RANBP2: variants seen among roughly 807,000 people sequenced by gnomAD.
The protein encoded by RANBP2 is E3 SUMO-protein ligase RanBP2.
In RANBP2, 57 loss-of-function variants were observed where a neutral mutation model predicts 303.6. The ratio of observed to expected loss-of-function variants is 0.19; its 90% CI spans 0.15 to 0.23. The LOEUF (loss-of-function observed/expected upper bound fraction) is 0.23. Ranked by LOEUF, RANBP2 falls within the 10% of genes least tolerant of loss-of-function variation. RANBP2 has a pLI of 1.00. For synonymous variants in RANBP2, 1,167 were observed against 1,301.5 expected, an observed-to-expected ratio of 0.90 and a Z score of 2.23; for missense variants, 3,138 against 3,780.8, an observed-to-expected ratio of 0.83 and a Z score of 4.46.
the RANBP2 span, among the ~76,000 whole-genome samples, chr2:109,569,145 TTGAC>T: frequency 6.6e-6 from 1 of 151,932 alleles, no homozygotes; most frequent in Non-Finnish European, 1.5e-5. Context: ...AAGTAAAAAA[TTGAC>T]TGGGCGTGGT....
At chr2:109,323,248 C>T in the RANBP2 span, among the ~76,000 whole-genome samples, 2 of 152,134 alleles carry the variant, frequency 1.3e-5, no homozygotes, top group Admixed American at 1.3e-4. Context: ...AGGTCTTGGG[C>T]TGGGAGTCAT....
At chr2:109,236,267 C>T in the RANBP2 span, among the ~76,000 whole-genome samples, 5 of 152,178 alleles carry the variant, frequency 3.3e-5, no homozygotes, top group Non-Finnish European at 5.9e-5. Context: ...AAATTCCCCT[C>T]GGTCCTAAAG....
chr2:108,993,890 C>T, the RANBP2 span, among the ~76,000 whole-genome samples: 37 of 152,190 alleles, frequency 2.4e-4, no homozygotes, highest in Admixed American at 2.3e-3. Flanking sequence ...CTGGGAAGTC[C>T]GAGATCAAGG....
At chr2:109,184,304 C>G in the RANBP2 span, among the ~76,000 whole-genome samples, 1 of 152,156 alleles carries the variant, frequency 6.6e-6, no homozygotes, top group Non-Finnish European at 1.5e-5. Context: ...TTCAAATGAC[C>G]AAGTTCATAT....
chr2:109,553,248 C>T, the RANBP2 span: 14 of 1,610,816 alleles, frequency 8.7e-6, no homozygotes, highest in Non-Finnish European at 1.2e-5. Context: ...TACTCTCCTG[C>T]TAAAAAGTGA....
chr2:108,905,288 T>G, the RANBP2 span, among the ~76,000 whole-genome samples: 1 of 152,176 alleles, frequency 6.6e-6, no homozygotes, highest in Admixed American at 6.5e-5. Context: ...AAGAGCTTCC[T>G]GGTGGATGGA....
the RANBP2 span, among the ~76,000 whole-genome samples, chr2:109,005,956 G>A: frequency 6.6e-6 from 1 of 152,166 alleles, no homozygotes; most frequent in Non-Finnish European, 1.5e-5. Flanking sequence ...GTGTTCAGCT[G>A]AAAAGAGGAG....
the RANBP2 span, among the ~76,000 whole-genome samples, chr2:109,554,587 A>C: frequency 1.3e-5 from 2 of 152,170 alleles, no homozygotes; most frequent in Non-Finnish European, 2.9e-5. Flanking sequence ...CTTTGGGATG[A>C]AGAACCCAGA....
chr2:108,841,540 T>C, the RANBP2 span, among the ~76,000 whole-genome samples: 19 of 152,350 alleles, frequency 1.2e-4, no homozygotes, highest in African/African-American at 4.6e-4. Context: ...GAAATCTCTA[T>C]CTGATACTAA....
chr2:109,122,249 G>T, the RANBP2 span, among the ~76,000 whole-genome samples: 1 of 152,212 alleles, frequency 6.6e-6, no homozygotes, highest in African/African-American at 2.4e-5. Context: ...AAGGATTTGC[G>T]GGCAGGTAGT....
the RANBP2 span, among the ~76,000 whole-genome samples, chr2:109,361,404 T>C: frequency 2.6e-5 from 4 of 152,236 alleles, no homozygotes; most frequent in Non-Finnish European, 5.9e-5. Context: ...TTCATTTATA[T>C]GTTTGGTAGA....
the RANBP2 span, among the ~76,000 whole-genome samples, chr2:109,266,526 C>T: frequency 6.6e-6 from 1 of 152,120 alleles, no homozygotes; most frequent in Non-Finnish European, 1.5e-5. Context: ...CATTGTTCTC[C>T]TCAATACAGT....
At chr2:109,227,225 A>T in the RANBP2 span, among the ~76,000 whole-genome samples, 1,471 of 152,278 alleles carry the variant, frequency 9.7e-3, 25 homozygotes, top group African/African-American at 0.033. Flanking sequence ...CCCAGGCCTC[A>T]GGGGCTGAAA....
the RANBP2 span, among the ~76,000 whole-genome samples, chr2:109,596,291 T>A: frequency 6.6e-6 from 1 of 152,134 alleles, no homozygotes; most frequent in African/African-American, 2.4e-5. Context: ...TGTTGCTTAG[T>A]GTTGATAAGT....
chr2:109,615,155 CG>C, the RANBP2 span: 1 of 1,549,348 alleles, frequency 6.5e-7, no homozygotes, highest in Non-Finnish European at 8.7e-7. Context: ...GCGTGTGTCC[CG>C]GGGGCAGCAG....
At chr2:108,756,794 A>G (rs1367790782) in intron 17 of RANBP2, among the ~76,000 whole-genome samples, 3 of 152,160 alleles carry the variant, frequency 2.0e-5, no homozygotes, top group Non-Finnish European at 2.9e-5. Context: ...TGAGAGAATT[A>G]CTGAAGCCAG....
At chr2:109,132,272 G>A in the RANBP2 span, among the ~76,000 whole-genome samples, 1 of 152,108 alleles carries the variant, frequency 6.6e-6, no homozygotes, top group Non-Finnish European at 1.5e-5. Flanking sequence ...AGGTATATAG[G>A]TAAGTATTGG....
the RANBP2 span, among the ~76,000 whole-genome samples, chr2:108,923,214 C>A: frequency 7.2e-5 from 11 of 152,328 alleles, no homozygotes. Context: ...CCTTCATAGA[C>A]CTGCCTGGAC....
the RANBP2 span, among the ~76,000 whole-genome samples, chr2:109,014,743 C>T: frequency 3.3e-5 from 5 of 152,196 alleles, no homozygotes; most frequent in African/African-American, 7.2e-5. Context: ...GAGCCAGACA[C>T]GGCTCTAGAT....
Sources: gnomAD v4.1 joint callset for allele counts (sites outside exome capture counted in the v4.1 genomes callset) on GRCh38, gnomAD v4.1.1 for gene constraint, MANE v1.5 for transcripts, NCBI Gene and HGNC (gene_info 2026-07-23, HGNC 2026-07-21) for gene names.